TRIM25: variants seen among roughly 807,000 people sequenced by gnomAD.
The protein encoded by TRIM25 is E3 ubiquitin/ISG15 ligase TRIM25.
TRIM25 carries 45 observed loss-of-function variants against 65.2 expected under a neutral mutation model. The observed-to-expected ratio is 0.69, with a 90% CI of 0.54 to 0.89. The LOEUF (loss-of-function observed/expected upper bound fraction) is 0.89. Ranked by LOEUF, TRIM25 falls within the 40% of genes least tolerant of loss-of-function variation. The pLI, the probability that TRIM25 is intolerant of heterozygous loss-of-function variation, is 0.00. For synonymous variants in TRIM25, 321 were observed against 340.4 expected, an observed-to-expected ratio of 0.94 and a Z score of 0.63; for missense variants, 714 against 803.7, an observed-to-expected ratio of 0.89 and a Z score of 1.35.
At chr17:56,894,800 C>T (rs1450069763) in intron 8 of TRIM25, among the ~76,000 whole-genome samples, 1 of 152,076 alleles carries the variant, frequency 6.6e-6, no homozygotes, top group Non-Finnish European at 1.5e-5. Context: ...GGGAAAGGGG[C>T]CAGGAGGCGA....
chr17:56,895,947 C>T lies in TRIM25; in HGVS notation c.1159G>A (p.Glu387Lys). 6.2e-7 allele frequency: 1 copy of T among 1,612,128 alleles called. No homozygotes were observed. Among genetic ancestry groups the T allele is most frequent in the Non-Finnish European group, 8.5e-7 (1 of 1,179,470 alleles). Reference protein sequence around the residue: ...TRPVKKVSKEEKKSKKPPPVP... With the variant: ...TRPVKKVSKEKKKSKKPPPVP... The stretch of plus-strand genomic sequence containing the variant: ...TTACGAGGTTTCTTGGATTTCTTTT[C>T]CTCTTCTGCAAAAGAAAGTTTTCAG... The change falls in exon 6 of 9, where the codon GAA (glutamate) becomes AAA (lysine). Residue 387 changes from glutamate to lysine, a missense_variant. By Grantham distance (56) the Glu-to-Lys change is moderately conservative. Transcript: ENST00000316881.
At position 56,894,382 on chromosome 17, in the gene TRIM25, G is replaced by T. The variant is rs377429707; in HGVS notation, c.1363+961C>A. On this transcript the variant is annotated intron_variant, in intron 8 of 8. Transcript: ENST00000316881. Reference sequence around the variant, plus strand: ...TCGTGCCTCAGCCTCCCAAGTAGCTGGGATTATAGGCATGTGCCACCACGC... The same window carrying T: ...TCGTGCCTCAGCCTCCCAAGTAGCTTGGATTATAGGCATGTGCCACCACGC... Among the ~76,000 whole-genome samples the T allele has an allele frequency of 2.6e-5, 4 of 152,326 alleles. No homozygotes were observed. The East Asian group carries it at 7.7e-4, about 29-fold the overall frequency.
chr17:56,895,289 G>T, intron 8 of TRIM25, 54 bp downstream of exon 8: 2 of 1,423,490 alleles, frequency 1.4e-6, no homozygotes, highest in South Asian at 2.3e-5. Flanking sequence ...TGCACAGAGC[G>T]GCGCAGGAGA....
intron 1 of TRIM25, chr17:56,912,143 G>C (rs77824729): frequency 1.3e-5 from 2 of 152,278 alleles, no homozygotes; most frequent in Non-Finnish European, 2.9e-5. Flanking sequence ...ACACGAAGAC[G>C]GGTCTTGTTC....
rs771125728 is a variant in TRIM25 at position 56,891,850 on chromosome 17, G to C, written c.1743C>G (p.Leu581=). The C allele has an allele frequency of 3.1e-6, 5 of 1,614,256 alleles. No individual in the cohort carries two copies. Among genetic ancestry groups the C allele is most frequent in the Non-Finnish European group, 4.2e-6 (5 of 1,180,048 alleles). ...STKATRVGVL[L]NCDHGFVIFF... ...AGATGACAAAGCCGTGGTCACAGTTGAGAAGCACGCCCACCCGCGTGGCCT... is the reference window on the plus strand; with the variant it reads ...AGATGACAAAGCCGTGGTCACAGTTCAGAAGCACGCCCACCCGCGTGGCCT... Residue 581 remains leucine (L), a synonymous_variant, in exon 9 of 9, where the codon CTC becomes CTG. Transcript: ENST00000316881.
At chr17:56,908,771 G>A in intron 1 of TRIM25, 1 of 565,520 alleles carries the variant, frequency 1.8e-6, no homozygotes, top group South Asian at 1.9e-5. Context: ...CTTTTCAGAG[G>A]ACAGTACAGA....
rs1909186981 is a variant in TRIM25, at chr17:56,892,122, G to A, written c.1471C>T (p.His491Tyr). 1 of 1,614,106 alleles carries A rather than the reference G, an allele frequency of 6.2e-7. No individual in the cohort carries two copies. Residue 491 changes from histidine to tyrosine, a missense_variant, in exon 9 of 9, where the codon CAT (histidine) becomes TAT (tyrosine). Transcript: ENST00000316881. Reference protein sequence around the residue: ...VAEMPQNYRPHPQRFTYCSQV... With the variant: ...VAEMPQNYRPYPQRFTYCSQV... ...GAGCAGTATGTGAACCTCTGGGGAT[G>A]CGGCCGGTAGTTCTGAGGCATCTCA...
At chr17:56,901,347 C>G in intron 4 of TRIM25, 72 bp downstream of exon 4, 2 of 1,522,594 alleles carry the variant, frequency 1.3e-6, no homozygotes, top group Non-Finnish European at 1.8e-6. Flanking sequence ...AATCTCCCAT[C>G]CCAAAACATT....
chr17:56,891,388 CG>C lies in TRIM25; in HGVS notation c.*311del. Reference sequence around the variant, plus strand: ...GCTATGGATTTTCTCTAAGAGGAATCGGGCACTCATGACTTCACTTCCCAGA... The same window carrying C: ...GCTATGGATTTTCTCTAAGAGGAATCGGCACTCATGACTTCACTTCCCAGA... On this transcript the variant is annotated 3_prime_UTR_variant, in exon 9 of 9. Coordinates refer to ENST00000316881, the MANE Select transcript of TRIM25 (RefSeq NM_005082.5). The C allele has an allele frequency of 2.5e-6, 1 of 394,430 alleles. No homozygotes were observed. The highest frequency in any genetic ancestry group is 5.2e-5 in the East Asian group (1 of 19,230). 24.4% of individuals were successfully genotyped at this position (394,430 alleles called of 1,614,324 possible).
chr17:56,908,643 A>G (rs1909568638), intron 1 of TRIM25, 80 bp from the exon 2 acceptor site: 1 of 1,373,090 alleles, frequency 7.3e-7, no homozygotes, highest in South Asian at 1.2e-5. Context: ...ACTATCCCAC[A>G]GGATAGATTC....
At chr17:56,892,355 A>G (rs1396780359) in intron 8 of TRIM25, 126 bp from the exon 9 acceptor site, 3 of 1,005,238 alleles carry the variant, frequency 3.0e-6, no homozygotes, top group South Asian at 3.3e-5. Flanking sequence ...CCATTGGTCC[A>G]TCCATCCACT....
intron 8 of TRIM25, among the ~76,000 whole-genome samples, chr17:56,892,733 A>C (rs1909207503): frequency 1.3e-5 from 2 of 152,184 alleles, no homozygotes; most frequent in South Asian, 4.1e-4. Flanking sequence ...CTGTCCATTC[A>C]TCCATCCAAA....
chr17:56,913,381 C>T lies in TRIM25; in HGVS notation c.597+11G>A, dbSNP rs1446318535. 1.3e-6 allele frequency: 2 copies of T among 1,548,706 alleles called. No individual in the cohort carries two copies. On this transcript the variant is annotated intron_variant, in intron 1 of 8. Coordinates refer to ENST00000316881, the MANE Select transcript of TRIM25 (RefSeq NM_005082.5). The surrounding 1 kb of genome is among the most constrained non-coding windows in gnomAD (Gnocchi z 6.1). Reference sequence around the variant, plus strand: ...CAGGCTGCCCTCTGCACCCAGCAGGCCGTTCCCTACCTCCAGGTCGGCGCT... The same window carrying T: ...CAGGCTGCCCTCTGCACCCAGCAGGTCGTTCCCTACCTCCAGGTCGGCGCT...
rs1909687977 is a variant in TRIM25 at position 56,914,037 on chromosome 17, C to T, written c.-49G>A. ...AACTGCTGCACCCGCGCTCCGAGGC[C>T]GCCGAGGAAACGAAACCTAGCTCGA... On this transcript the variant is annotated 5_prime_UTR_variant, in exon 1 of 9. Transcript: ENST00000316881. The T allele has an allele frequency of 3.6e-6, 5 of 1,399,732 alleles. No homozygotes were observed. The East Asian group carries it at 8.1e-5, about 23-fold the overall frequency. 86.7% of individuals were successfully genotyped at this position (1,399,732 alleles called of 1,614,324 possible). A position where few individuals can be genotyped will look rare whatever the true frequency, so the allele number is the denominator to read the frequency against.
chr17:56,890,814 A>C lies in TRIM25; in HGVS notation c.*886T>G, dbSNP rs770445455. On this transcript the variant is annotated 3_prime_UTR_variant, in exon 9 of 9. Coordinates refer to ENST00000316881, the MANE Select transcript of TRIM25 (RefSeq NM_005082.5). ...CAGGCTTCTGTTGATCCAGGGCAGC[A>C]TCCCCCTCGCCTGGCAGAGTTCCTT... is the stretch of plus-strand genomic sequence containing the variant. The C allele has an allele frequency of 4.4e-5, 20 of 456,514 alleles. No homozygotes were observed. Among genetic ancestry groups the C allele is most frequent in the Non-Finnish European group, 7.0e-5 (16 of 226,956 alleles). 28.3% of individuals were successfully genotyped at this position (456,514 alleles called of 1,614,324 possible).
intron 8 of TRIM25, 64 bp from the exon 9 acceptor site, chr17:56,892,293 C>G: frequency 6.6e-7 from 1 of 1,504,818 alleles, no homozygotes; most frequent in Non-Finnish European, 8.9e-7. Context: ...TAGACCTTTG[C>G]CAAAGTGGTA....
Position 56,889,167 on chromosome 17 carries a change from A to G in TRIM25, c.*2533T>C, listed in dbSNP as rs779617872. 2.0e-5 allele frequency: 3 copies of G among 152,146 alleles called. No individual in the cohort carries two copies. The highest frequency in any genetic ancestry group is 2.9e-5 in the Non-Finnish European group (2 of 68,052). The allele number at this position is 152,146 out of a possible 1,614,324, so 9.4% of individuals were successfully genotyped here. A position where few individuals can be genotyped will look rare whatever the true frequency, so the allele number is the denominator to read the frequency against. On this transcript the variant is annotated 3_prime_UTR_variant, in exon 9 of 9. Transcript: ENST00000316881. The stretch of plus-strand genomic sequence containing the variant: ...GTACTTAAAACAGGAATAATCAGCT[A>G]CCACATCTTGAAAAATACAAAGACT...
chr17:56,896,844 C>T (rs1000366852), intron 5 of TRIM25, among the ~76,000 whole-genome samples: 1 of 152,066 alleles, frequency 6.6e-6, no homozygotes, highest in Non-Finnish European at 1.5e-5. Flanking sequence ...GTAGCTTACT[C>T]CTGTAATCCC....
At chr17:56,908,690 A>C in intron 1 of TRIM25, 127 bp from the exon 2 acceptor site, 1 of 871,556 alleles carries the variant, frequency 1.1e-6, no homozygotes, top group Non-Finnish European at 1.8e-6. Flanking sequence ...TGCCACCCCA[A>C]GTCCTGTCAC....
Sources: gnomAD v4.1 joint callset for allele counts (sites outside exome capture counted in the v4.1 genomes callset) on GRCh38, gnomAD v4.1.1 for gene constraint, Gnocchi (gnomAD v3.1) non-coding constraint, MANE v1.5 for transcripts, NCBI Gene and HGNC (gene_info 2026-07-23, HGNC 2026-07-21) for gene names.